IGF2BP2: variants seen among roughly 807,000 people sequenced by gnomAD.
IGF2BP2 encodes insulin like growth factor 2 mRNA binding protein 2.
In IGF2BP2, 17 loss-of-function variants were observed where a neutral mutation model predicts 75.8. The observed-to-expected ratio is 0.22, with a 90% CI of 0.15 to 0.34. The LOEUF is 0.34. Among genes scored for constraint, IGF2BP2 ranks in the 10% least tolerant of loss-of-function variants. IGF2BP2 has a pLI of 1.00. For synonymous variants in IGF2BP2, 288 were observed against 295.6 expected (o/e 0.97, Z 0.26); for missense variants, 516 against 772.4 (o/e 0.67, Z 3.93).
At chr3:185,733,300 G>A (rs947084887) in intron 2 of IGF2BP2, among the ~76,000 whole-genome samples, 1 of 152,150 alleles carries the variant, frequency 6.6e-6, no homozygotes, top group African/African-American at 2.4e-5. Flanking sequence ...GGAAAAGAGG[G>A]TGCTCCACAG....
chr3:185,779,597 A>T (rs1318976575), intron 2 of IGF2BP2, among the ~76,000 whole-genome samples: 1 of 152,212 alleles, frequency 6.6e-6, no homozygotes, highest in Non-Finnish European at 1.5e-5. Context: ...GTCCCTGATC[A>T]CCAACTGGGA....
intron 5 of IGF2BP2, among the ~76,000 whole-genome samples, chr3:185,691,471 G>A (rs1000710900): frequency 6.6e-6 from 1 of 152,126 alleles, no homozygotes; most frequent in African/African-American, 2.4e-5. Context: ...AAATATCTTT[G>A]TATGTTGAAA....
intron 2 of IGF2BP2, among the ~76,000 whole-genome samples, chr3:185,805,645 A>G (rs1282514310): frequency 6.6e-6 from 1 of 152,148 alleles, no homozygotes. Context: ...CAGCCAAAAT[A>G]TTTTAAAAAC....
intron 2 of IGF2BP2, among the ~76,000 whole-genome samples, chr3:185,753,935 G>A (rs1320366628): frequency 6.6e-6 from 1 of 152,054 alleles, no homozygotes; most frequent in African/African-American, 2.4e-5. Flanking sequence ...CAGGTGCAGT[G>A]GCTCACACCT....
At chr3:185,678,412 T>C (rs1314354018) in intron 7 of IGF2BP2, among the ~76,000 whole-genome samples, 1 of 152,220 alleles carries the variant, frequency 6.6e-6, no homozygotes. Context: ...TGAGGGACTT[T>C]ATTACCACTT....
chr3:185,721,194 T>G (rs1726479525), intron 2 of IGF2BP2, among the ~76,000 whole-genome samples: 1 of 152,064 alleles, frequency 6.6e-6, no homozygotes, highest in African/African-American at 2.4e-5. Context: ...TCTTTTTTTG[T>G]TTTTGTTTAT....
intron 2 of IGF2BP2, among the ~76,000 whole-genome samples, chr3:185,765,476 C>A (rs567401507): frequency 6.6e-6 from 1 of 152,124 alleles, no homozygotes; most frequent in Non-Finnish European, 1.5e-5. Context: ...ACCACTCCTT[C>A]CCCCCTTGAT....
At chr3:185,719,922 C>A (rs1288478750) in intron 2 of IGF2BP2, among the ~76,000 whole-genome samples, 1 of 152,122 alleles carries the variant, frequency 6.6e-6, no homozygotes, top group Admixed American at 6.5e-5. Context: ...GAAACAAACT[C>A]AAATGAGAAA....
intron 2 of IGF2BP2, chr3:185,821,093 G>C (rs993810583): frequency 6.5e-7 from 1 of 1,533,986 alleles, no homozygotes; most frequent in Admixed American, 2.0e-5. Context: ...TCTGATCTCA[G>C]TACACAATAC....
rs368518274 is a variant in IGF2BP2, at chr3:185,657,419, A to C, written c.1270-17T>G. The C allele has an allele frequency of 5.1e-6, 8 of 1,581,984 alleles. No individual in the cohort carries two copies. Among genetic ancestry groups the C allele is most frequent in the African/African-American group, 1.3e-5 (1 of 74,382 alleles). ...CTCTGGATACTGGGAGGGCGAGACAAGAAAGAAGACATCATTCCAACCAGG... is the reference window on the plus strand; with the variant it reads ...CTCTGGATACTGGGAGGGCGAGACACGAAAGAAGACATCATTCCAACCAGG... On this transcript the variant is annotated splice_polypyrimidine_tract_variant and intron_variant, in intron 11 of 15. Transcript: ENST00000382199.
rs142886977 is a variant in IGF2BP2, at chr3:185,649,686, G to A, written c.1462-152C>T. The A allele has an allele frequency of 2.0e-3, 2,087 of 1,042,532 alleles. 40 individuals are homozygous for A. The East Asian group carries it at 0.041, about 21-fold the overall frequency. 64.6% of individuals were successfully genotyped at this position (1,042,532 alleles called of 1,614,324 possible). A position where few individuals can be genotyped will look rare whatever the true frequency, so the allele number is the denominator to read the frequency against. ...CAGGAAGCTGCGTGCCCCAGCCTCCGCTCACAGACCTGGGGGGCGCTGCTC... is the reference window on the plus strand; with the variant it reads ...CAGGAAGCTGCGTGCCCCAGCCTCCACTCACAGACCTGGGGGGCGCTGCTC... On this transcript the variant is annotated intron_variant, in intron 13 of 15. Transcript: ENST00000382199.
chr3:185,679,364 C>T (rs1720027049), intron 7 of IGF2BP2, among the ~76,000 whole-genome samples: 1 of 152,022 alleles, frequency 6.6e-6, no homozygotes, highest in Non-Finnish European at 1.5e-5. Context: ...ACTTCAATTG[C>T]ATAAAAAACT....
intron 2 of IGF2BP2, among the ~76,000 whole-genome samples, chr3:185,740,440 T>C (rs1168362004): frequency 1.3e-5 from 2 of 152,214 alleles, no homozygotes; most frequent in Non-Finnish European, 2.9e-5. Flanking sequence ...TTCTCCTTCA[T>C]ATTAAATGTC....
At chr3:185,782,470 C>G (rs1464742500) in intron 2 of IGF2BP2, among the ~76,000 whole-genome samples, 1 of 151,966 alleles carries the variant, frequency 6.6e-6, no homozygotes, top group Non-Finnish European at 1.5e-5. Flanking sequence ...TTGGAATTAA[C>G]CTTTTGGGCA....
chr3:185,811,523 T>C (rs1307170153), intron 2 of IGF2BP2, among the ~76,000 whole-genome samples: 2 of 152,190 alleles, frequency 1.3e-5, no homozygotes, highest in Non-Finnish European at 2.9e-5. Flanking sequence ...TATTTAAAAC[T>C]TCAGATATTT....
At chr3:185,786,460 GC>G (rs1205528557) in intron 2 of IGF2BP2, among the ~76,000 whole-genome samples, 1 of 152,060 alleles carries the variant, frequency 6.6e-6, no homozygotes, top group Non-Finnish European at 1.5e-5. Flanking sequence ...ATTTGTTCCT[GC>G]CCCACCTTAA....
chr3:185,784,896 T>C (rs1735662366), intron 2 of IGF2BP2, among the ~76,000 whole-genome samples: 1 of 152,274 alleles, frequency 6.6e-6, no homozygotes, highest in African/African-American at 2.4e-5. Flanking sequence ...CAAGTCAGGA[T>C]GACCTAAATT....
rs1178001371 is a variant in IGF2BP2, at chr3:185,672,613, T to C, written c.1128A>G (p.Thr376=). ...CTGGTGGAGATAGCACGGACAGTCCTGTTGAAAAGATGCCAAGTGCGCTGA... is the reference window on the plus strand; with the variant it reads ...CTGGTGGAGATAGCACGGACAGTCCCGTTGAAAAGATGCCAAGTGCGCTGA... The part of the protein sequence containing the change: ...LNLSALGIFS[T]GLSVLSPPAG... The change falls in exon 10 of 16, where the codon ACA becomes ACG. Residue 376 remains threonine (T), a synonymous_variant. Transcript: ENST00000382199. 6.2e-6 allele frequency: 10 copies of C among 1,613,882 alleles called. No homozygotes were observed. The highest frequency in any genetic ancestry group is 8.5e-6 in the Non-Finnish European group (10 of 1,179,920).
intron 10 of IGF2BP2, among the ~76,000 whole-genome samples, chr3:185,658,781 A>G (rs954163731): frequency 3.3e-5 from 5 of 152,170 alleles, no homozygotes; most frequent in African/African-American, 1.2e-4. Flanking sequence ...AGGCGGGGCC[A>G]GTGCCTTCCG....
Sources: allele counts gnomAD v4.1 joint callset (sites outside exome capture counted in the v4.1 genomes callset), GRCh38; gene constraint gnomAD v4.1.1; transcripts MANE v1.5; gene names NCBI Gene and HGNC (gene_info 2026-07-23, HGNC 2026-07-21).